Variants in RTN4 observed in about 807,000 individuals in gnomAD.
The protein encoded by RTN4 is reticulon 4, also known as reticulon-4.
A neutral mutation model predicts 90.4 loss-of-function variants in RTN4; 32 were observed. The ratio of observed to expected loss-of-function variants is 0.35; its 90% CI spans 0.27 to 0.48. The LOEUF (loss-of-function observed/expected upper bound fraction) is 0.48. RTN4 is among the 20% of genes least tolerant of loss of function. RTN4 has a pLI of 0.99. For synonymous variants in RTN4, 629 were observed against 552.5 expected, an observed-to-expected ratio of 1.14 and a Z score of -1.94; for missense variants, 1,706 against 1,430.2, an observed-to-expected ratio of 1.19 and a Z score of -3.11.
intron 1 of RTN4, among the ~76,000 whole-genome samples, chr2:55,088,166 A>G (rs1211712771): frequency 6.6e-6 from 1 of 152,212 alleles, no homozygotes; most frequent in East Asian, 1.9e-4. Flanking sequence ...CAGCTAGGAC[A>G]TGGGCTGCTG....
At chr2:54,987,886 T>A (rs1295739162) in intron 3 of RTN4, among the ~76,000 whole-genome samples, 188 bp from the exon 4 acceptor site, 1 of 152,250 alleles carries the variant, frequency 6.6e-6, no homozygotes, top group African/African-American at 2.4e-5. Flanking sequence ...TATATTAGTA[T>A]AACACCTTTA....
intron 3 of RTN4, among the ~76,000 whole-genome samples, chr2:55,006,436 A>G (rs763041288): frequency 1.3e-5 from 2 of 152,172 alleles, no homozygotes; most frequent in Non-Finnish European, 2.9e-5. Context: ...ACTCTCTACC[A>G]AAATGTCAGT....
chr2:55,098,794 A>G (rs2105053517), intron 1 of RTN4, among the ~76,000 whole-genome samples: 1 of 152,190 alleles, frequency 6.6e-6, no homozygotes, highest in African/African-American at 2.4e-5. Flanking sequence ...TATTGACGAA[A>G]TCAGGTCATT....
chr2:55,008,619 C>A (rs935650366), intron 3 of RTN4, among the ~76,000 whole-genome samples: 2 of 151,996 alleles, frequency 1.3e-5, no homozygotes, highest in South Asian at 2.1e-4. Flanking sequence ...CATTTGAGTA[C>A]CTAAAAATAA....
chr2:55,083,218 G>C (rs907343347), intron 1 of RTN4, among the ~76,000 whole-genome samples: 2 of 152,308 alleles, frequency 1.3e-5, no homozygotes, highest in African/African-American at 4.8e-5. Context: ...ATGTGGGGCT[G>C]GGTGTGGTGG....
chr2:55,058,454 A>G (rs1384977926), intron 2 of RTN4, among the ~76,000 whole-genome samples: 5 of 152,202 alleles, frequency 3.3e-5, no homozygotes, highest in Admixed American at 3.3e-4. Context: ...TTTTACCCAT[A>G]CGAAATTTCC....
intron 2 of RTN4, among the ~76,000 whole-genome samples, chr2:55,079,210 A>G (rs1427113941): frequency 6.6e-6 from 1 of 152,192 alleles, no homozygotes; most frequent in African/African-American, 2.4e-5. Context: ...CCCTGGGGAG[A>G]TGATGGGGGA....
intron 1 of RTN4, among the ~76,000 whole-genome samples, chr2:55,110,033 G>T (rs1668008374): frequency 6.6e-6 from 1 of 152,164 alleles, no homozygotes; most frequent in Admixed American, 6.5e-5. Flanking sequence ...TCAGGGCTGG[G>T]CGTGGTGGTT....
chr2:55,089,187 C>G (rs1415168544), intron 1 of RTN4, among the ~76,000 whole-genome samples: 5 of 152,078 alleles, frequency 3.3e-5, no homozygotes, highest in South Asian at 4.1e-4. Flanking sequence ...CATGAGCCAC[C>G]GCGCCGGGCC....
intron 6 of RTN4, chr2:54,974,073 G>C (rs1337411275): frequency 6.0e-6 from 3 of 498,506 alleles, no homozygotes; most frequent in Admixed American, 3.8e-5. Context: ...AGTTATTAGA[G>C]CTAGGAACCA....
At chr2:55,077,659 C>G (rs1236914863) in intron 2 of RTN4, among the ~76,000 whole-genome samples, 2 of 151,764 alleles carry the variant, frequency 1.3e-5, no homozygotes, top group East Asian at 1.9e-4. Context: ...AAAAAGATAC[C>G]TGCACACACG....
At chr2:55,046,966 G>A (rs1667786964) in intron 1 of RTN4, 1 of 152,142 alleles carries the variant, frequency 6.6e-6, no homozygotes. Context: ...AATCCCTAAT[G>A]TTCAAAGACA....
intron 3 of RTN4, among the ~76,000 whole-genome samples, chr2:55,019,303 C>T (rs1313794803): frequency 6.6e-6 from 1 of 152,086 alleles, no homozygotes; most frequent in Non-Finnish European, 1.5e-5. Context: ...ATGGTAAAGA[C>T]TGGATCAAGC....
intron 3 of RTN4, among the ~76,000 whole-genome samples, chr2:55,019,682 C>G (rs1259853290): frequency 6.6e-6 from 1 of 152,044 alleles, no homozygotes; most frequent in Non-Finnish European, 1.5e-5. Flanking sequence ...CTGCTAATGT[C>G]ATAACAAATA....
intron 1 of RTN4, among the ~76,000 whole-genome samples, chr2:55,035,919 G>C (rs1682646450): frequency 6.6e-6 from 1 of 152,030 alleles, no homozygotes; most frequent in African/African-American, 2.4e-5. Flanking sequence ...TGCATTCCTT[G>C]AAAGACACAA....
intron 2 of RTN4, among the ~76,000 whole-genome samples, chr2:55,071,955 T>C (rs74385118): frequency 0.053 from 8,100 of 152,190 alleles, 688 homozygotes; most frequent in African/African-American, 0.18. Context: ...AGTTAGAAGA[T>C]TGCTAAAATC....
chr2:55,072,135 G>A (rs905644252), intron 2 of RTN4, among the ~76,000 whole-genome samples: 1 of 129,034 alleles, frequency 7.7e-6, no homozygotes, highest in Non-Finnish European at 1.6e-5. Flanking sequence ...TATTGATGTG[G>A]ATTGTTTTTA....
intron 3 of RTN4, among the ~76,000 whole-genome samples, chr2:55,012,497 G>A (rs1397843022): frequency 4.6e-5 from 7 of 152,070 alleles, no homozygotes; most frequent in Non-Finnish European, 8.8e-5. Context: ...AGTTTGGCAA[G>A]TTAAGCAAAA....
chr2:55,052,787 A>G (rs550329220), upstream of RTN4, among the ~76,000 whole-genome samples: 1 of 152,162 alleles, frequency 6.6e-6, no homozygotes, highest in African/African-American at 2.4e-5. Context: ...GACCTTTTCT[A>G]TTGTCACAGT....
Sources: gnomAD v4.1 joint callset for allele counts (sites outside exome capture counted in the v4.1 genomes callset) on GRCh38, gnomAD v4.1.1 for gene constraint, MANE v1.5 for transcripts, NCBI Gene and HGNC (gene_info 2026-07-23, HGNC 2026-07-21) for gene names.